The following LAMB1 variants were observed in gnomAD, a reference collection of about 807,000 sequenced individuals.
The protein encoded by LAMB1 is laminin subunit beta 1.
In LAMB1, 121 loss-of-function variants were observed where a neutral mutation model predicts 222.3. The ratio of observed to expected loss-of-function variants is 0.54; its 90% CI spans 0.47 to 0.63. LAMB1 has a LOEUF of 0.63. LAMB1 is among the 30% of genes least tolerant of loss of function. The pLI, the probability that LAMB1 is intolerant of heterozygous loss-of-function variation, is 0.00. For missense variants in LAMB1, 2,172 were observed against 2,240.8 expected, an observed-to-expected ratio of 0.97 and a Z score of 0.62; for synonymous variants, 794 against 807.2, an observed-to-expected ratio of 0.98 and a Z score of 0.28.
chr7:107,969,717 T>C (rs1335290030), intron 13 of LAMB1, among the ~76,000 whole-genome samples: 4 of 152,198 alleles, frequency 2.6e-5, no homozygotes, highest in African/African-American at 9.7e-5. Flanking sequence ...AGCCTATTGC[T>C]CCTAAGCTAC....
intron 5 of LAMB1, 136 bp from the exon 6 acceptor site, chr7:107,986,499 G>T: frequency 3.0e-6 from 2 of 673,238 alleles, no homozygotes; most frequent in Non-Finnish European, 2.4e-6. Flanking sequence ...GACTGTGGCT[G>T]GATTTCAAAT....
At position 107,980,669 on chromosome 7, in the gene LAMB1, G is replaced by A. The variant is rs1225162515; in HGVS notation, c.819C>T (p.Cys273=). The A allele has an allele frequency of 6.2e-7, 1 of 1,614,068 alleles. No homozygotes were observed. Among genetic ancestry groups the A allele is most frequent in the Non-Finnish European group, 8.5e-7 (1 of 1,179,972 alleles). The change falls in exon 8 of 34, where the codon TGC becomes TGT. Residue 273 remains cysteine (C), a synonymous_variant. Transcript: ENST00000222399. ...YDMVVRGNCF[C]YGHASECAPV... ...GGGCACATTCGCTGGCATGACCATA[G>A]CAGAAGCAATTTCCTCGAACCACCA...
chr7:107,992,694 G>A (rs138541541), intron 5 of LAMB1, among the ~76,000 whole-genome samples: 2,998 of 152,216 alleles, frequency 0.02, 100 homozygotes, highest in African/African-American at 0.069. Context: ...TTAGGAGTTC[G>A]AGACCAGCCT....
intron 17 of LAMB1, among the ~76,000 whole-genome samples, chr7:107,960,986 G>A (rs1254843817): frequency 1.3e-5 from 2 of 152,042 alleles, no homozygotes; most frequent in African/African-American, 4.8e-5. Context: ...GAGTCACTAC[G>A]CCTAGTGAAA....
At chr7:107,966,234 G>A (rs757290997) in intron 13 of LAMB1, among the ~76,000 whole-genome samples, 1 of 151,868 alleles carries the variant, frequency 6.6e-6, no homozygotes, top group Admixed American at 6.6e-5. Flanking sequence ...TTTTTGAGAT[G>A]GAGTCTCGCA....
intron 4 of LAMB1, among the ~76,000 whole-genome samples, chr7:107,997,021 T>G (rs1307497514): frequency 1.3e-5 from 2 of 152,220 alleles, no homozygotes; most frequent in Non-Finnish European, 2.9e-5. Context: ...CTCTAAATGA[T>G]AAATGCTTTC....
At position 107,924,097 on chromosome 7, in the gene LAMB1, GATATATATAT is replaced by G; in HGVS notation, c.5225-20_5225-11del. 2.7e-6 allele frequency: 4 copies of G among 1,476,744 alleles called. No individual in the cohort carries two copies. In the South Asian group the frequency reaches 5.4e-5, roughly 20 times the overall value. The allele number at this position is 1,476,744 out of a possible 1,614,324, so 91.5% of individuals were successfully genotyped here. The stretch of plus-strand genomic sequence containing the variant: ...TATTTTCTTTCTAAATCTGTGGGGA[GATATATATAT>G]ATAAAGTCTGAGCAATTTATACTAT... On this transcript the variant is annotated splice_polypyrimidine_tract_variant and intron_variant, in intron 33 of 33. Coordinates refer to ENST00000222399, the MANE Select transcript of LAMB1 (RefSeq NM_002291.3).
chr7:107,963,738 T>G (rs1448883685), intron 14 of LAMB1, among the ~76,000 whole-genome samples: 1 of 152,248 alleles, frequency 6.6e-6, no homozygotes, highest in African/African-American at 2.4e-5. Context: ...TTCTAGGACT[T>G]CTGAGTCCAA....
intron 24 of LAMB1, among the ~76,000 whole-genome samples, chr7:107,941,350 A>ATCTTATTG (rs1470831925): frequency 6.6e-6 from 1 of 152,218 alleles, no homozygotes; most frequent in Non-Finnish European, 1.5e-5. Context: ...TTATGCTAAC[A>ATCTTATTG]TCTTATCGCT....
intron 24 of LAMB1, among the ~76,000 whole-genome samples, chr7:107,950,557 T>C (rs2033219639): frequency 6.6e-6 from 1 of 151,842 alleles, no homozygotes; most frequent in Admixed American, 6.5e-5. Context: ...TCTTTTTTTG[T>C]TTGTTTGTTT....
chr7:107,942,129 C>A (rs1462426463), intron 24 of LAMB1: 1 of 152,018 alleles, frequency 6.6e-6, no homozygotes, highest in Non-Finnish European at 1.5e-5. Context: ...ATAGCTGGGA[C>A]TACAGGCATG....
chr7:107,936,636 T>G (rs1344691130), intron 26 of LAMB1, among the ~76,000 whole-genome samples: 1 of 152,208 alleles, frequency 6.6e-6, no homozygotes, highest in East Asian at 1.9e-4. Context: ...ATGTAACATA[T>G]TTCTACATTC....
rs760890404 is a variant in LAMB1 at position 107,924,102 on chromosome 7, A to ATG, written c.5225-16_5225-15insCA. ...TCTTTCTAAATCTGTGGGGAGATATATATATATAAAGTCTGAGCAATTTAT... is the reference window on the plus strand; with the variant it reads ...TCTTTCTAAATCTGTGGGGAGATATATGTATATATAAAGTCTGAGCAATTTAT... On this transcript the variant is annotated splice_polypyrimidine_tract_variant and intron_variant, in intron 33 of 33. Transcript: ENST00000222399. 33 of 1,531,714 alleles carry ATG rather than the reference A, an allele frequency of 2.2e-5. No individual in the cohort carries two copies. In the East Asian group the frequency reaches 3.0e-4, roughly 14 times the overall value. 94.9% of individuals were successfully genotyped at this position (1,531,714 alleles called of 1,614,324 possible).
intron 20 of LAMB1, among the ~76,000 whole-genome samples, 184 bp from the exon 21 acceptor site, chr7:107,955,814 C>A (rs1238263416): frequency 1.3e-5 from 2 of 152,224 alleles, no homozygotes; most frequent in South Asian, 2.1e-4. Flanking sequence ...CTCACTGTAA[C>A]CTCTGTTTTT....
intron 3 of LAMB1, chr7:108,000,042 T>C (rs929727175): frequency 6.6e-6 from 1 of 152,218 alleles, no homozygotes; most frequent in African/African-American, 2.4e-5. Context: ...GATTTCAGAA[T>C]CTGGTGATTC....
chr7:107,953,846 G>T, intron 21 of LAMB1, 92 bp from the exon 22 acceptor site: 1 of 1,088,644 alleles, frequency 9.2e-7, no homozygotes, highest in African/African-American at 1.5e-5. Context: ...AGAGCTGATC[G>T]TGGCGGTGCT....
At chr7:108,001,836 A>C (rs762985150) in intron 2 of LAMB1, 103 bp from the exon 3 acceptor site, 2 of 1,536,760 alleles carry the variant, frequency 1.3e-6, no homozygotes, top group African/African-American at 2.7e-5. Context: ...GAGAGAGGAC[A>C]GTCCATTCGG....
chr7:107,932,290 C>G lies in LAMB1; in HGVS notation c.4276G>C (p.Gly1426Arg), dbSNP rs368218591. 5 of 1,614,244 alleles carry G rather than the reference C, an allele frequency of 3.1e-6. No individual in the cohort carries two copies. The highest frequency in any genetic ancestry group is 4.2e-6 in the Non-Finnish European group (5 of 1,180,038). The change falls in exon 28 of 34, where the codon GGG (glycine) becomes CGG (arginine). Residue 1426 changes from glycine (G) to arginine (R), a missense_variant. Transcript: ENST00000222399. ...CRTDEGERKC[G>R]GPGCGGLVTV... is the part of the protein sequence containing the mutation. ...ACCAGACCACCACAGCCAGGCCCCC[C>G]ACACTTCCTCTCTCCTTCGTCAGTT...
At chr7:107,934,762 C>A (rs907378414) in intron 27 of LAMB1, among the ~76,000 whole-genome samples, 8 of 151,938 alleles carry the variant, frequency 5.3e-5, no homozygotes, top group Admixed American at 3.9e-4. Context: ...CAAATCAGAA[C>A]AAACTAAAAA....
Sources: allele counts gnomAD v4.1 joint callset (sites outside exome capture counted in the v4.1 genomes callset), GRCh38; gene constraint gnomAD v4.1.1; transcripts MANE v1.5; gene names NCBI Gene and HGNC (gene_info 2026-07-23, HGNC 2026-07-21).